SLC24A2: variants seen among roughly 807,000 people sequenced by gnomAD.
The protein encoded by SLC24A2 is solute carrier family 24 member 2.
Under a neutral mutation model 62.0 loss-of-function variants are expected in SLC24A2, and 36 were observed. That is an observed-to-expected ratio of 0.58 (90% CI 0.44 to 0.77). SLC24A2 has a LOEUF of 0.77. Ranked by LOEUF, SLC24A2 falls within the 30% of genes least tolerant of loss-of-function variation. The pLI is 0.00. For synonymous variants in SLC24A2, 358 were observed against 294.0 expected, an observed-to-expected ratio of 1.22 and a Z score of -2.23; for missense variants, 846 against 817.9, an observed-to-expected ratio of 1.03 and a Z score of -0.42.
chr9:20,009,125 G>T, the SLC24A2 span, among the ~76,000 whole-genome samples: 6 of 152,280 alleles, frequency 3.9e-5, no homozygotes, highest in East Asian at 7.7e-4. Context: ...TGGGAAAAGT[G>T]AGTTGGAGGT....
the SLC24A2 span, among the ~76,000 whole-genome samples, chr9:20,170,088 A>C: frequency 7.9e-5 from 12 of 151,888 alleles, no homozygotes; most frequent in African/African-American, 2.7e-4. Flanking sequence ...AGAACTTCAG[A>C]GCTCAAAGAC....
chr9:20,038,497 T>A, the SLC24A2 span, among the ~76,000 whole-genome samples: 1 of 152,158 alleles, frequency 6.6e-6, no homozygotes. Context: ...TCTCTGCAGG[T>A]GACCCTACGA....
the SLC24A2 span, among the ~76,000 whole-genome samples, chr9:19,877,315 C>G: frequency 2.1e-5 from 3 of 145,744 alleles, no homozygotes; most frequent in African/African-American, 7.5e-5. Flanking sequence ...CTATGGAGGT[C>G]CATAGTTTGT....
At chr9:19,845,028 T>C in the SLC24A2 span, among the ~76,000 whole-genome samples, 1 of 151,624 alleles carries the variant, frequency 6.6e-6, no homozygotes. Context: ...AATTTTAGAA[T>C]AGCGTTTTTT....
the SLC24A2 span, among the ~76,000 whole-genome samples, chr9:20,261,489 C>T: frequency 6.6e-6 from 1 of 152,072 alleles, no homozygotes; most frequent in Admixed American, 6.5e-5. Flanking sequence ...AACTAACCCA[C>T]TCCTACAATA....
At chr9:19,946,687 TA>T in the SLC24A2 span, among the ~76,000 whole-genome samples, 2 of 152,198 alleles carry the variant, frequency 1.3e-5, no homozygotes, top group African/African-American at 4.8e-5. Context: ...TCTTCTCAGA[TA>T]AGAAAGGGCC....
intron 2 of SLC24A2, among the ~76,000 whole-genome samples, chr9:19,722,685 C>T (rs929928169): frequency 1.6e-4 from 24 of 151,782 alleles, no homozygotes; most frequent in African/African-American, 5.8e-4. Flanking sequence ...ATATTCAATC[C>T]CTATCTTCAA....
chr9:19,889,786 A>G, the SLC24A2 span, among the ~76,000 whole-genome samples: 1 of 152,150 alleles, frequency 6.6e-6, no homozygotes, highest in African/African-American at 2.4e-5. Flanking sequence ...CCAATGATTC[A>G]TTCTACACTT....
At chr9:19,672,647 C>T (rs1819452642) in intron 2 of SLC24A2, among the ~76,000 whole-genome samples, 1 of 146,314 alleles carries the variant, frequency 6.8e-6, no homozygotes, top group Admixed American at 6.7e-5. Context: ...TTTGTGCTTT[C>T]AGACTTTTTG....
chr9:19,789,797 C>A (rs1178086319), upstream of SLC24A2, among the ~76,000 whole-genome samples: 4 of 152,170 alleles, frequency 2.6e-5, no homozygotes, highest in Admixed American at 1.3e-4. Flanking sequence ...AACCCTGTGA[C>A]CACCAGCAAA....
chr9:20,024,130 G>C, the SLC24A2 span, among the ~76,000 whole-genome samples: 1 of 152,138 alleles, frequency 6.6e-6, no homozygotes, highest in Non-Finnish European at 1.5e-5. Context: ...AGAGGTGTGA[G>C]TTTTTCTCAT....
At chr9:19,712,172 G>A (rs7869360) in intron 2 of SLC24A2, among the ~76,000 whole-genome samples, 13,875 of 152,234 alleles carry the variant, frequency 0.091, 844 homozygotes, top group African/African-American at 0.17. Context: ...TCAGTTCCAC[G>A]TTTAGGACGA....
the SLC24A2 span, among the ~76,000 whole-genome samples, chr9:20,064,305 G>A: frequency 6.6e-6 from 1 of 152,304 alleles, no homozygotes; most frequent in Admixed American, 6.5e-5. Context: ...AATGGTTGCT[G>A]GGGCTGGGAG....
chr9:19,542,050 C>T lies in SLC24A2; in HGVS notation c.1479+8087G>A, dbSNP rs1353593011. Among the ~76,000 whole-genome samples the T allele has an allele frequency of 3.3e-5, 5 of 152,218 alleles. No homozygotes were observed. The East Asian group carries it at 7.7e-4, about 23-fold the overall frequency. Reference sequence around the variant, plus strand: ...GCGCTTCCCAGGTGAGGCAATGCCTCGCCCTGCTTCGGCTCGCGCACGGTG... The same window carrying T: ...GCGCTTCCCAGGTGAGGCAATGCCTTGCCCTGCTTCGGCTCGCGCACGGTG... On this transcript the variant is annotated intron_variant, in intron 8 of 10. Coordinates refer to ENST00000341998, the MANE Select transcript of SLC24A2 (RefSeq NM_020344.4).
chr9:19,737,627 A>G (rs996948510), intron 2 of SLC24A2, among the ~76,000 whole-genome samples: 1 of 152,044 alleles, frequency 6.6e-6, no homozygotes, highest in African/African-American at 2.4e-5. Context: ...ATATTTTTAT[A>G]AAAAATAAGA....
At chr9:19,812,891 C>T in the SLC24A2 span, among the ~76,000 whole-genome samples, 1 of 152,132 alleles carries the variant, frequency 6.6e-6, no homozygotes, top group African/African-American at 2.4e-5. Flanking sequence ...TAAGGTGTAT[C>T]CCTCCAGGGC....
At chr9:19,800,114 G>A in the SLC24A2 span, among the ~76,000 whole-genome samples, 1 of 152,038 alleles carries the variant, frequency 6.6e-6, no homozygotes. Context: ...ACCAGTCATT[G>A]GATTTAGAGC....
the SLC24A2 span, among the ~76,000 whole-genome samples, chr9:20,290,454 G>A: frequency 6.6e-6 from 1 of 152,226 alleles, no homozygotes; most frequent in African/African-American, 2.4e-5. Flanking sequence ...GGCCAGCCTT[G>A]GCCAGCTTCT....
chr9:20,284,812 T>G, the SLC24A2 span, among the ~76,000 whole-genome samples: 1 of 152,112 alleles, frequency 6.6e-6, no homozygotes. Flanking sequence ...CTTCACTGAT[T>G]AGGCCCTAGC....
Sources: gnomAD v4.1 joint callset for allele counts (sites outside exome capture counted in the v4.1 genomes callset) on GRCh38, gnomAD v4.1.1 for gene constraint, MANE v1.5 for transcripts, NCBI Gene and HGNC (gene_info 2026-07-23, HGNC 2026-07-21) for gene names.